The following LCP1 variants were observed in gnomAD, a reference collection of about 807,000 sequenced individuals.
LCP1 encodes lymphocyte cytosolic protein 1, also known as plastin-2.
In LCP1, 23 loss-of-function variants were observed where a neutral mutation model predicts 72.0. The ratio of observed to expected loss-of-function variants is 0.32; its 90% CI spans 0.23 to 0.45. The LOEUF (loss-of-function observed/expected upper bound fraction) is 0.45, where lower values mean the gene tolerates loss of function less well. LCP1 is among the 20% of genes least tolerant of loss of function. The pLI, the probability that LCP1 is intolerant of heterozygous loss-of-function variation, is 1.00. For synonymous variants in LCP1, 245 were observed against 275.4 expected (o/e 0.89, Z 1.09); for missense variants, 571 against 748.3 (o/e 0.76, Z 2.76).
rs779319882 is a variant in LCP1, at chr13:46,158,662, A to G, written c.229-11T>C. On this transcript the variant is annotated splice_polypyrimidine_tract_variant and intron_variant, in intron 3 of 15. Coordinates refer to ENST00000323076, the MANE Select transcript of LCP1 (RefSeq NM_002298.5). ...TAGGCCATGGAAAATCTGCAAAAAT[A>G]TAATGTATCTTTAGAAACTCAAGCA... 2.5e-5 allele frequency: 40 copies of G among 1,614,132 alleles called. No individual in the cohort carries two copies. The highest frequency in any genetic ancestry group is 3.3e-5 in the Non-Finnish European group (39 of 1,180,008).
At chr13:46,177,229 C>T (rs2045935640) in intron 1 of LCP1, among the ~76,000 whole-genome samples, 1 of 152,150 alleles carries the variant, frequency 6.6e-6, no homozygotes, top group South Asian at 2.1e-4. Flanking sequence ...TTATATTTGG[C>T]CATTACTATA....
At chr13:46,174,290 C>T (rs997861872) in intron 1 of LCP1, among the ~76,000 whole-genome samples, 11 of 150,394 alleles carry the variant, frequency 7.3e-5, no homozygotes, top group African/African-American at 2.7e-4. Flanking sequence ...ATTTGATGGG[C>T]TCTCTTTATC....
At position 46,135,340 on chromosome 13, in the gene LCP1, CAAG is replaced by C. The variant is rs2045658606; in HGVS notation, c.1503-1093_1503-1091del. Among the ~76,000 whole-genome samples, 3 of 152,108 alleles carry C rather than the reference CAAG, an allele frequency of 2.0e-5. No homozygotes were observed. In the South Asian group the frequency reaches 6.2e-4, roughly 32 times the overall value. On this transcript the variant is annotated intron_variant, in intron 13 of 15. Transcript: ENST00000323076. ...AGTGTGTGCTTCTCAAACTGAAACT[CAAG>C]AATCCTGTGACTGAATCTCATCTGA...
At chr13:46,144,650 T>C in intron 10 of LCP1, 130 bp from the exon 11 acceptor site, 2 of 669,720 alleles carry the variant, frequency 3.0e-6, no homozygotes. Context: ...ATAAACTGTA[T>C]TGGATTTGGA....
intron 7 of LCP1, among the ~76,000 whole-genome samples, chr13:46,152,149 C>T (rs1428126028): frequency 6.6e-6 from 1 of 152,148 alleles, no homozygotes; most frequent in Non-Finnish European, 1.5e-5. Flanking sequence ...CATCTCATAT[C>T]GTTACCTTTC....
intron 14 of LCP1, among the ~76,000 whole-genome samples, chr13:46,132,426 A>G (rs545107214): frequency 6.6e-6 from 1 of 152,318 alleles, no homozygotes; most frequent in East Asian, 1.9e-4. Context: ...TTTGTGGACC[A>G]TCACATACAA....
Position 46,179,037 on chromosome 13 carries a change from T to C in LCP1, c.-25+3074A>G, listed in dbSNP as rs1170581608. On this transcript the variant is annotated intron_variant, in intron 1 of 15. Coordinates refer to ENST00000323076, the MANE Select transcript of LCP1 (RefSeq NM_002298.5). ...CTAAGTAAAAGTTAACAACTGCCCT[T>C]GTGTTCTTTGTCATCAAAGAGGCCC... 3.3e-5 allele frequency among the ~76,000 whole-genome samples: 5 copies of C among 152,328 alleles called. No homozygotes were observed. In the South Asian group the frequency reaches 1.0e-3, roughly 32 times the overall value.
chr13:46,143,566 CAG>C (rs1329162923), intron 11 of LCP1, among the ~76,000 whole-genome samples, 162 bp from the exon 12 acceptor site: 1 of 152,184 alleles, frequency 6.6e-6, no homozygotes, highest in African/African-American at 2.4e-5. Context: ...AACCATGACT[CAG>C]AGAGATTGGG....
At chr13:46,155,334 T>C (rs1422538202) in intron 5 of LCP1, among the ~76,000 whole-genome samples, 2 of 152,244 alleles carry the variant, frequency 1.3e-5, no homozygotes, top group African/African-American at 2.4e-5. Flanking sequence ...CAGCTAATCA[T>C]ATGATAACAT....
In LCP1 at chr13:46,154,769, C is replaced by T. The variant is rs772179817; in HGVS notation, c.573+36G>A. On this transcript the variant is annotated intron_variant, in intron 6 of 15. Transcript: ENST00000323076. Reference sequence around the variant, plus strand: ...AGTTATGATGCTCATTGATGCCAAACAAATCCTGTATTATGGTAACGGTGG... The same window carrying T: ...AGTTATGATGCTCATTGATGCCAAATAAATCCTGTATTATGGTAACGGTGG... 4.5e-6 allele frequency: 7 copies of T among 1,561,814 alleles called. No homozygotes were observed. In the South Asian group the frequency reaches 7.8e-5, roughly 17 times the overall value.
At chr13:46,150,785 C>T in intron 8 of LCP1, 151 bp downstream of exon 8, 1 of 782,952 alleles carries the variant, frequency 1.3e-6, no homozygotes, top group South Asian at 1.8e-5. Flanking sequence ...AGCAGATGGG[C>T]TCTCAAGGAC....
intron 8 of LCP1, chr13:46,148,745 C>T (rs1476906230): frequency 1.3e-6 from 1 of 770,406 alleles, no homozygotes; most frequent in Non-Finnish European, 1.6e-6. Flanking sequence ...AACTTATTTA[C>T]ATGAATTAAA....
Position 46,158,788 on chromosome 13 carries a change from T to C in LCP1, c.228+38A>G, listed in dbSNP as rs769718740. On this transcript the variant is annotated intron_variant, in intron 3 of 15. Transcript: ENST00000323076. ...TTTAAAACAGAATTCAAGTTCCAAG[T>C]TTCAAATGTGTCTCCTTGTATTCTG... The C allele has an allele frequency of 1.4e-5, 23 of 1,607,084 alleles. No homozygotes were observed. The Admixed American group carries it at 2.5e-4, about 18-fold the overall frequency.
intron 1 of LCP1, among the ~76,000 whole-genome samples, chr13:46,179,970 TTCTCTCTC>T (rs143449455): frequency 6.6e-6 from 1 of 151,242 alleles, no homozygotes; most frequent in East Asian, 1.9e-4. Flanking sequence ...AAAGTTTTTC[TTCTCTCTC>T]TCTCTCTCTT....
In LCP1 at chr13:46,142,133, GA is replaced by G. The variant is rs1204253449; in HGVS notation, c.1502+158del. Reference sequence around the variant, plus strand: ...ACTTGAAACAAAAACTGATAGGACTGAAAAAAAAAAAGCAGAAAGGTAAAAA... The same window carrying G: ...ACTTGAAACAAAAACTGATAGGACTGAAAAAAAAAAGCAGAAAGGTAAAAA... On this transcript the variant is annotated intron_variant, in intron 13 of 15. Transcript: ENST00000323076. Among the ~76,000 whole-genome samples, 206 of 141,002 alleles carry G rather than the reference GA, an allele frequency of 1.5e-3. 1 individual carries two copies. The highest frequency in any genetic ancestry group is 2.0e-3 in the Non-Finnish European group (126 of 64,478). The allele number at this position is 141,002 out of a possible 152,430, so 92.5% of individuals were successfully genotyped here.
chr13:46,171,424 G>A (rs1354446269), intron 1 of LCP1, among the ~76,000 whole-genome samples: 2 of 152,120 alleles, frequency 1.3e-5, no homozygotes, highest in African/African-American at 2.4e-5. Flanking sequence ...CCCTTCCTAG[G>A]CTCTTTAGGG....
rs1282664800 is a variant in LCP1, at chr13:46,148,575, A to ATT, written c.883-129_883-128insAA. 2.5e-5 allele frequency: 17 copies of ATT among 675,358 alleles called. No homozygotes were observed. In the African/African-American group the frequency reaches 2.9e-4, roughly 11 times the overall value. 41.8% of individuals were successfully genotyped at this position (675,358 alleles called of 1,614,324 possible). The stretch of plus-strand genomic sequence containing the variant: ...TATCATTCCAGAATGTAACTTAACA[A>ATT]AGCTAGAAACATTCACTAATTTGAA... On this transcript the variant is annotated intron_variant, in intron 8 of 15. Coordinates refer to ENST00000323076, the MANE Select transcript of LCP1 (RefSeq NM_002298.5).
intron 4 of LCP1, among the ~76,000 whole-genome samples, 199 bp from the exon 5 acceptor site, chr13:46,156,769 G>A (rs114790595): frequency 6.6e-6 from 1 of 151,794 alleles, no homozygotes; most frequent in South Asian, 2.1e-4. Context: ...TGTACTCCAA[G>A]TCATAAAACA....
intron 13 of LCP1, among the ~76,000 whole-genome samples, chr13:46,137,133 A>G (rs2045669522): frequency 6.6e-6 from 1 of 152,110 alleles, no homozygotes; most frequent in Admixed American, 6.6e-5. Context: ...AGTGAACACA[A>G]GGCAGTCTTT....
Sources: gnomAD v4.1 joint callset for allele counts (sites outside exome capture counted in the v4.1 genomes callset) on GRCh38, gnomAD v4.1.1 for gene constraint, MANE v1.5 for transcripts, NCBI Gene and HGNC (gene_info 2026-07-23, HGNC 2026-07-21) for gene names.